Variants in SPARCL1 observed in about 807,000 individuals in gnomAD.
The protein encoded by SPARCL1 is SPARC-like protein 1.
SPARCL1 carries 52 observed loss-of-function variants against 67.1 expected under a neutral mutation model. The ratio of observed to expected loss-of-function variants is 0.78; its 90% confidence interval spans 0.62 to 0.98. SPARCL1 has a LOEUF of 0.98. Ranked by LOEUF, SPARCL1 falls within the 50% of genes least tolerant of loss-of-function variation. SPARCL1 has a pLI of 0.00. For synonymous variants in SPARCL1, 226 were observed against 267.8 expected, an observed-to-expected ratio of 0.84 and a Z score of 1.52; for missense variants, 717 against 782.4, an observed-to-expected ratio of 0.92 and a Z score of 1.00.
In SPARCL1 at chr4:87,494,031, G is replaced by C. The variant is rs1234058599; in HGVS notation, c.769C>G (p.Gln257Glu). The change falls in exon 4 of 11, where the codon CAG becomes GAG. Residue 257 changes from glutamine to glutamate, a missense_variant. Coordinates refer to ENST00000282470, the MANE Select transcript of SPARCL1 (RefSeq NM_004684.6). ...TTACCCTGATCAAATTCATCCTCCT[G>C]CATCTTGCTTACTTGAGTTGGTTGA... ...SDQPTQVSKM[Q>E]EDEFDQGNQE... 1 of 1,613,926 alleles carries C rather than the reference G, an allele frequency of 6.2e-7. No homozygotes were observed. The highest frequency in any genetic ancestry group is 1.6e-4 in the Middle Eastern group (1 of 6,062).
intron 1 of SPARCL1, among the ~76,000 whole-genome samples, chr4:87,523,563 T>A (rs7657268): frequency 0.12 from 18,665 of 152,172 alleles, 2,187 homozygotes; most frequent in East Asian, 0.34. Context: ...CATCAGCAGA[T>A]GTTTAGCAAC....
chr4:87,482,672 C>G, intron 7 of SPARCL1, 112 bp from the exon 8 acceptor site: 1 of 1,121,004 alleles, frequency 8.9e-7, no homozygotes, highest in Non-Finnish European at 1.3e-6. Context: ...TTTCTCAGGT[C>G]CCCATTATTA....
chr4:87,498,825 T>A (rs1724726598), intron 2 of SPARCL1, among the ~76,000 whole-genome samples: 1 of 152,152 alleles, frequency 6.6e-6, no homozygotes, highest in Non-Finnish European at 1.5e-5. Context: ...TCAGCCAGCA[T>A]CTATTTGATC....
chr4:87,520,940 C>T (rs530324458), intron 1 of SPARCL1, among the ~76,000 whole-genome samples: 1 of 152,306 alleles, frequency 6.6e-6, no homozygotes, highest in African/African-American at 2.4e-5. Context: ...AGGAGGGTGT[C>T]TAAAGTTTGG....
chr4:87,514,873 TGCAAAG>T, intron 1 of SPARCL1, among the ~76,000 whole-genome samples: 1 of 152,356 alleles, frequency 6.6e-6, no homozygotes, highest in East Asian at 1.9e-4. Flanking sequence ...AGCTGATGCT[TGCAAAG>T]TACTTTGAAA....
At chr4:87,474,835 C>T (rs1480853363) in intron 10 of SPARCL1, among the ~76,000 whole-genome samples, 7 of 151,634 alleles carry the variant, frequency 4.6e-5, no homozygotes, top group East Asian at 1.9e-4. Flanking sequence ...CTCCGCCTCC[C>T]GGGTTCACGC....
chr4:87,494,867 G>T, intron 3 of SPARCL1, 114 bp downstream of exon 3: 1 of 1,014,094 alleles, frequency 9.9e-7, no homozygotes, highest in Non-Finnish European at 1.4e-6. Flanking sequence ...TGATCATCAT[G>T]TTTTAAAAAA....
At chr4:87,482,173 C>G (rs759100134) in intron 8 of SPARCL1, among the ~76,000 whole-genome samples, 15 of 152,308 alleles carry the variant, frequency 9.8e-5, no homozygotes, top group African/African-American at 3.4e-4. Flanking sequence ...AGAGCTTGCT[C>G]TAGGTAGGAA....
At chr4:87,478,520 C>T (rs1357237582) in intron 10 of SPARCL1, among the ~76,000 whole-genome samples, 1 of 151,240 alleles carries the variant, frequency 6.6e-6, no homozygotes, top group African/African-American at 2.4e-5. Context: ...TTACTGCAAA[C>T]TCTGCCTCCC....
chr4:87,518,601 C>T (rs539448971), intron 1 of SPARCL1, among the ~76,000 whole-genome samples: 37 of 152,304 alleles, frequency 2.4e-4, no homozygotes, highest in African/African-American at 4.6e-4. Context: ...AAGATCAATA[C>T]GAGTACCAAG....
Position 87,473,513 on chromosome 4 carries a change from T to C in SPARCL1, c.*262A>G, listed in dbSNP as rs1279667547. 3.1e-5 allele frequency: 10 copies of C among 324,566 alleles called. No homozygotes were observed. Among genetic ancestry groups the C allele is most frequent in the African/African-American group, 4.3e-5 (2 of 46,798 alleles). The allele number at this position is 324,566 out of a possible 1,614,324, so 20.1% of individuals were successfully genotyped here. ...TTATCTCATAAGTCAATGCAGAGAG[T>C]GAAATTACTATGAATTAAACTTCTG... On this transcript the variant is annotated 3_prime_UTR_variant, in exon 11 of 11. Transcript: ENST00000282470.
At chr4:87,480,133 A>G (rs1450891545) in intron 9 of SPARCL1, among the ~76,000 whole-genome samples, 1 of 152,158 alleles carries the variant, frequency 6.6e-6, no homozygotes, top group African/African-American at 2.4e-5. Flanking sequence ...TATAAAACAT[A>G]AACTTTATCA....
chr4:87,500,957 T>C (rs1578106136), intron 1 of SPARCL1, among the ~76,000 whole-genome samples: 1 of 152,254 alleles, frequency 6.6e-6, no homozygotes, highest in East Asian at 1.9e-4. Context: ...CTGACATTTA[T>C]TTTCTTGAAC....
intron 1 of SPARCL1, among the ~76,000 whole-genome samples, chr4:87,522,640 A>AAC (rs57929830): frequency 0.25 from 32,697 of 131,584 alleles, 4,272 homozygotes; most frequent in Admixed American, 0.34. Flanking sequence ...ACCACCACCA[A>AAC]ACACACACAC....
Position 87,482,474 on chromosome 4 carries a change from C to T in SPARCL1, c.1618G>A (p.Glu540Lys). 6.2e-7 allele frequency: 1 copy of T among 1,613,996 alleles called. No homozygotes were observed. Among genetic ancestry groups the T allele is most frequent in the Non-Finnish European group, 8.5e-7 (1 of 1,179,936 alleles). The stretch of plus-strand genomic sequence containing the variant: ...TAACCAGCGTGTTCAGAGTTGGCTT[C>T]ATAAAGCTGCATGAGGATATTCTTG... ...WLKNILMQLY[E>K]ANSEHAGYLN... Residue 540 changes from glutamate (E) to lysine (K), a missense_variant, in exon 8 of 11, where the codon GAA becomes AAA. Coordinates refer to ENST00000282470, the MANE Select transcript of SPARCL1 (RefSeq NM_004684.6).
intron 10 of SPARCL1, among the ~76,000 whole-genome samples, chr4:87,474,362 T>C (rs1269342152): frequency 2.6e-5 from 4 of 151,550 alleles, no homozygotes; most frequent in Non-Finnish European, 4.4e-5. Context: ...TAATAATCTT[T>C]ATCTAGCCCA....
chr4:87,529,209 T>C lies in SPARCL1; in HGVS notation c.-176A>G, dbSNP rs1009816820. Reference sequence around the variant, plus strand: ...TGCCCAGAGGCATATTCAAGTCTACTGGAGTTGAAATTCTGCTGCTCTGTC... The same window carrying C: ...TGCCCAGAGGCATATTCAAGTCTACCGGAGTTGAAATTCTGCTGCTCTGTC... On this transcript the variant is annotated 5_prime_UTR_variant, in exon 1 of 11. Coordinates refer to ENST00000282470, the MANE Select transcript of SPARCL1 (RefSeq NM_004684.6). The C allele has an allele frequency of 6.6e-6, 1 of 152,334 alleles. No homozygotes were observed. Among genetic ancestry groups the C allele is most frequent in the East Asian group, 1.9e-4 (1 of 5,188 alleles). 9.4% of individuals were successfully genotyped at this position (152,334 alleles called of 1,614,324 possible).
chr4:87,488,497 C>G (rs970289257), intron 7 of SPARCL1, among the ~76,000 whole-genome samples: 1 of 152,138 alleles, frequency 6.6e-6, no homozygotes, highest in African/African-American at 2.4e-5. Flanking sequence ...TGCTAGATGC[C>G]AGCCAGAGCT....
chr4:87,520,459 T>C (rs1271567280), intron 1 of SPARCL1, among the ~76,000 whole-genome samples: 1 of 152,154 alleles, frequency 6.6e-6, no homozygotes, highest in African/African-American at 2.4e-5. Context: ...CCCAAACTCC[T>C]GGAATCAGAT....
Sources: gnomAD v4.1 joint callset for allele counts (sites outside exome capture counted in the v4.1 genomes callset) on GRCh38, gnomAD v4.1.1 for gene constraint, MANE v1.5 for transcripts, NCBI Gene and HGNC (gene_info 2026-07-23, HGNC 2026-07-21) for gene names.